Variants in IHO1 observed in about 807,000 individuals in gnomAD.
IHO1 encodes interactor of HORMAD1 1, also known as interactor of HORMAD1 protein 1.
Under a neutral mutation model 31.0 loss-of-function variants are expected in IHO1, and 13 were observed. That is an observed-to-expected ratio of 0.42 (90% CI 0.27 to 0.67). The LOEUF is 0.67. Among genes scored for constraint, IHO1 ranks in the 30% least tolerant of loss-of-function variants. The pLI, the probability that IHO1 is intolerant of heterozygous loss-of-function variation, is 0.24. For synonymous variants in IHO1, 221 were observed against 248.4 expected, an observed-to-expected ratio of 0.89 and a Z score of 1.04; for missense variants, 599 against 687.5, an observed-to-expected ratio of 0.87 and a Z score of 1.44.
At chr3:49,200,645 T>G (rs2046058759) in intron 1 of IHO1, 27 of 831,334 alleles carry the variant, frequency 3.2e-5, no homozygotes, top group Non-Finnish European at 3.8e-5. Flanking sequence ...GCCCTTCCCT[T>G]GTATATAGTT....
chr3:49,203,244 C>T (rs2046093137), intron 1 of IHO1, among the ~76,000 whole-genome samples: 1 of 152,058 alleles, frequency 6.6e-6, no homozygotes. Context: ...GAGGAGTGCA[C>T]CAAAATGAGG....
At chr3:49,191,952 G>T in the IHO1 span, 51 of 640,950 alleles carry the variant, frequency 8.0e-5, no homozygotes, top group East Asian at 1.4e-3. Context: ...TGTCCTTGCT[G>T]CCCTAGTTCT....
chr3:49,230,023 G>A (rs572008964), intron 2 of IHO1, among the ~76,000 whole-genome samples: 2 of 152,278 alleles, frequency 1.3e-5, no homozygotes, highest in South Asian at 4.1e-4. Flanking sequence ...GAAAGACAAA[G>A]TTCCTGCCAA....
chr3:49,220,712 T>C (rs936029897), intron 2 of IHO1, among the ~76,000 whole-genome samples: 1 of 151,818 alleles, frequency 6.6e-6, no homozygotes, highest in African/African-American at 2.4e-5. Flanking sequence ...ACTAAAAATA[T>C]AAAAAATTAG....
intron 2 of IHO1, among the ~76,000 whole-genome samples, chr3:49,214,632 A>ATTTTTTTTTTTT (rs3083884): frequency 3.9e-4 from 2 of 5,188 alleles, no homozygotes; most frequent in Non-Finnish European, 6.4e-4. Flanking sequence ...ATATATATAT[A>ATTTTTTTTTTTT]TTTTTTTTTT....
chr3:49,245,237 A>C (rs1353069197), intron 6 of IHO1: 2 of 162,216 alleles, frequency 1.2e-5, no homozygotes, highest in African/African-American at 4.9e-5. Flanking sequence ...CCCAGGCTGG[A>C]GTGCAGTGGC....
intron 2 of IHO1, among the ~76,000 whole-genome samples, chr3:49,233,933 A>G (rs2046514034): frequency 6.6e-6 from 1 of 152,200 alleles, no homozygotes; most frequent in African/African-American, 2.4e-5. Flanking sequence ...CCTGCTGCAG[A>G]TAACTAGCCA....
chr3:49,201,487 G>T (rs1407293962), intron 1 of IHO1, among the ~76,000 whole-genome samples: 1 of 151,974 alleles, frequency 6.6e-6, no homozygotes, highest in African/African-American at 2.4e-5. Flanking sequence ...GCCAGGTGTG[G>T]TAGCACACGC....
At chr3:49,201,805 C>A (rs1209134216) in intron 1 of IHO1, among the ~76,000 whole-genome samples, 3 of 152,144 alleles carry the variant, frequency 2.0e-5, no homozygotes, top group Non-Finnish European at 4.4e-5. Flanking sequence ...GTGGTCCAAG[C>A]TACTCAGGAG....
At chr3:49,238,427 C>A (rs545274125) in intron 3 of IHO1, among the ~76,000 whole-genome samples, 1 of 152,034 alleles carries the variant, frequency 6.6e-6, no homozygotes, top group Non-Finnish European at 1.5e-5. Flanking sequence ...AGGTGTGCAC[C>A]GGCTCAGCGG....
chr3:49,197,788 C>A (rs570782741), upstream of IHO1, among the ~76,000 whole-genome samples: 3 of 151,664 alleles, frequency 2.0e-5, no homozygotes, highest in Non-Finnish European at 4.4e-5. Flanking sequence ...GTAGGAGAAT[C>A]GCTTGAACCT....
rs189127613 is a variant in IHO1, at chr3:49,248,555, C to T, written c.532+3822C>T. ...ACCAGCCTGACCAATATGGTGAAAACCCATCTCTACTAAAAAAAAAATACA... is the reference window on the plus strand; with the variant it reads ...ACCAGCCTGACCAATATGGTGAAAATCCATCTCTACTAAAAAAAAAATACA... On this transcript the variant is annotated intron_variant, in intron 6 of 7. Transcript: ENST00000452691. Among the ~76,000 whole-genome samples, 656 of 152,028 alleles carry T rather than the reference C, an allele frequency of 4.3e-3. 6 individuals are homozygous for T. Among genetic ancestry groups the T allele is most frequent in the Admixed American group, 0.013 (195 of 15,252 alleles).
At chr3:49,220,450 C>T (rs866685679) in intron 2 of IHO1, among the ~76,000 whole-genome samples, 2 of 152,158 alleles carry the variant, frequency 1.3e-5, no homozygotes, top group Admixed American at 1.3e-4. Context: ...GATGGTGTGT[C>T]CGGAGTTTGT....
chr3:49,255,328 G>A, intron 6 of IHO1, 62 bp from the exon 7 acceptor site: 1 of 1,167,142 alleles, frequency 8.6e-7, no homozygotes, highest in South Asian at 1.4e-5. Flanking sequence ...TCTGTGGTTT[G>A]GGCAGATGGG....
intron 7 of IHO1, among the ~76,000 whole-genome samples, chr3:49,255,811 A>G (rs1012632382): frequency 6.6e-6 from 1 of 151,950 alleles, no homozygotes; most frequent in Non-Finnish European, 1.5e-5. Context: ...TTAGCCTCCC[A>G]AAGTGCTGGG....
upstream of IHO1, among the ~76,000 whole-genome samples, chr3:49,195,810 A>T (rs1013283022): frequency 7.4e-4 from 112 of 151,608 alleles, no homozygotes; most frequent in African/African-American, 2.6e-3. Flanking sequence ...CAGGATAGAA[A>T]TCACCTGGGG....
chr3:49,194,292 GTATA>G (rs141683116), upstream of IHO1, among the ~76,000 whole-genome samples: 301 of 120,078 alleles, frequency 2.5e-3, 3 homozygotes, highest in African/African-American at 6.3e-3. Flanking sequence ...AGTACAAAGT[GTATA>G]TATATATATA....
intron 2 of IHO1, among the ~76,000 whole-genome samples, chr3:49,234,061 C>G (rs892525372): frequency 1.3e-5 from 2 of 150,588 alleles, no homozygotes; most frequent in East Asian, 3.9e-4. Flanking sequence ...ATATGTGGGT[C>G]AAACTCTGTT....
At chr3:49,195,244 A>T (rs1319373091), upstream of IHO1, among the ~76,000 whole-genome samples, 1 of 151,360 alleles carries the variant, frequency 6.6e-6, no homozygotes, top group Non-Finnish European at 1.5e-5. Context: ...ACATGGTGAA[A>T]CCCCGTCTCT....
Sources: allele counts gnomAD v4.1 joint callset (sites outside exome capture counted in the v4.1 genomes callset), GRCh38; gene constraint gnomAD v4.1.1; transcripts MANE v1.5; gene names NCBI Gene and HGNC (gene_info 2026-07-23, HGNC 2026-07-21).